Variants in TNNT3 observed in about 807,000 individuals in gnomAD.
The protein encoded by TNNT3 is troponin T3, fast skeletal type.
Under a neutral mutation model 54.2 loss-of-function variants are expected in TNNT3, and 36 were observed. The ratio of observed to expected loss-of-function variants is 0.66; its 90% CI spans 0.51 to 0.88. TNNT3 has a LOEUF of 0.88. Among genes scored for constraint, TNNT3 ranks in the 40% least tolerant of loss-of-function variants. The pLI is 0.00. For synonymous variants in TNNT3, 120 were observed against 109.7 expected (o/e 1.09, Z -0.59); for missense variants, 291 against 331.6 (o/e 0.88, Z 0.95).
chr11:1,933,580 C>G (rs1854056457), intron 9 of TNNT3, 141 bp from the exon 10 acceptor site: 2 of 720,900 alleles, frequency 2.8e-6, no homozygotes, highest in Non-Finnish European at 5.0e-6. Flanking sequence ...CATTCCTTGC[C>G]ACTTGCCATT....
chr11:1,937,500 C>T (rs1010952190), intron 15 of TNNT3, among the ~76,000 whole-genome samples: 9 of 152,160 alleles, frequency 5.9e-5, no homozygotes, highest in African/African-American at 1.4e-4. Context: ...TCCATAAAAT[C>T]GTGTCCCTGG....
In TNNT3 at chr11:1,934,834, A is replaced by G; in HGVS notation, c.596A>G (p.Lys199Arg). 1 of 1,613,450 alleles carries G rather than the reference A, an allele frequency of 6.2e-7. No individual in the cohort carries two copies. Among genetic ancestry groups the G allele is most frequent in the Non-Finnish European group, 8.5e-7 (1 of 1,179,994 alleles). ...DHLGEDKLRD[K>R]AKELWETLHQ... ...CACCACTTCCTCTGCCCCAGGGACA[A>G]GGCCAAGGAGCTCTGGGAGACCCTG... Residue 199 changes from lysine (K) to arginine (R), a missense_variant, in exon 14 of 16, where the codon AAG becomes AGG. Lys to Arg is a conservative substitution (Grantham distance 26). Transcript: ENST00000278317.
chr11:1,927,446 C>T (rs973216815), intron 6 of TNNT3, among the ~76,000 whole-genome samples: 11 of 152,134 alleles, frequency 7.2e-5, no homozygotes, highest in Admixed American at 2.0e-4. Context: ...GTTCATGGGC[C>T]GTGGGGCTGA....
At chr11:1,932,384 A>G in intron 8 of TNNT3, 85 bp from the exon 9 acceptor site, 4 of 1,355,752 alleles carry the variant, frequency 3.0e-6, no homozygotes, top group Non-Finnish European at 4.2e-6. Context: ...CAGGGTTGGC[A>G]GGGGCCAGCG....
At chr11:1,930,111 G>C (rs745945471) in intron 8 of TNNT3, among the ~76,000 whole-genome samples, 2 of 152,188 alleles carry the variant, frequency 1.3e-5, no homozygotes, top group Non-Finnish European at 2.9e-5. Flanking sequence ...GGCCCAGCAG[G>C]GTGTGATTTT....
At chr11:1,926,260 T>C (rs1344037715) in intron 5 of TNNT3, among the ~76,000 whole-genome samples, 1 of 152,160 alleles carries the variant, frequency 6.6e-6, no homozygotes, top group Non-Finnish European at 1.5e-5. Flanking sequence ...CCTGGGGTGC[T>C]CCCAGATGCT....
In TNNT3 at chr11:1,933,791, C is replaced by G; in HGVS notation, c.242C>G (p.Ala81Gly). Reference sequence around the variant, plus strand: ...GCCCTCATCGACAGCCACTTTGAAGCCCGGAAGAAGGAGGAGGAGGAGCTG... The same window carrying G: ...GCCCTCATCGACAGCCACTTTGAAGGCCGGAAGAAGGAGGAGGAGGAGCTG... ...LQALIDSHFE[A>G]RKKEEEELVA... The change falls in exon 10 of 16, where the codon GCC becomes GGC. Residue 81 changes from alanine (A) to glycine (G), a missense_variant. Physicochemically the swap from Ala to Gly is moderately conservative, Grantham distance 60. Coordinates refer to ENST00000278317, the MANE Select transcript of TNNT3 (RefSeq NM_006757.4). The G allele has an allele frequency of 6.2e-7, 1 of 1,612,890 alleles. No individual in the cohort carries two copies. Among genetic ancestry groups the G allele is most frequent in the Non-Finnish European group, 8.5e-7 (1 of 1,179,896 alleles).
At chr11:1,926,886 T>C in intron 6 of TNNT3, among the ~76,000 whole-genome samples, 177 bp downstream of exon 6, 1 of 152,150 alleles carries the variant, frequency 6.6e-6, no homozygotes, top group East Asian at 1.9e-4. Flanking sequence ...GCCGGTACAG[T>C]GCAGGCTTCC....
chr11:1,923,809 CCT>C (rs1011164381), intron 4 of TNNT3, among the ~76,000 whole-genome samples: 3 of 152,012 alleles, frequency 2.0e-5, no homozygotes, highest in African/African-American at 7.3e-5. Context: ...ATCACTAACC[CCT>C]GTCTCTTTAA....
rs559766715 is a variant in TNNT3, at chr11:1,938,522, A to T, written c.*30A>T. ...GCCAGAAAGGCCCCTCGAGGCAGAG[A>T]CCCTCCGCCCTCTTGCACACCAGGG... On this transcript the variant is annotated 3_prime_UTR_variant, in exon 16 of 16. Coordinates refer to ENST00000278317, the MANE Select transcript of TNNT3 (RefSeq NM_006757.4). 1.2e-6 allele frequency: 2 copies of T among 1,610,106 alleles called. No individual in the cohort carries two copies. Among genetic ancestry groups the T allele is most frequent in the South Asian group, 2.2e-5 (2 of 90,966 alleles).
At position 1,930,580 on chromosome 11, in the gene TNNT3, G is replaced by A. The variant is rs900086356; in HGVS notation, c.125+752G>A. Among the ~76,000 whole-genome samples, 17 of 152,244 alleles carry A rather than the reference G, an allele frequency of 1.1e-4. 1 individual carries two copies. The highest frequency in any genetic ancestry group is 6.2e-4 in the South Asian group (3 of 4,826). ...TCGGTATTCACCAGCCACAGCACTC[G>A]CTACGTGATTCACCCTTTTATCTCT... On this transcript the variant is annotated intron_variant, in intron 8 of 15. Transcript: ENST00000278317.
In TNNT3 at chr11:1,936,960, C is replaced by T. The variant is rs111743542; in HGVS notation, c.682-3C>T. The T allele has an allele frequency of 1.9e-6, 3 of 1,605,888 alleles. No individual in the cohort carries two copies. The African/African-American group carries it at 4.0e-5, about 21-fold the overall frequency. On this transcript the variant is annotated splice_polypyrimidine_tract_variant and splice_region_variant and intron_variant, in intron 14 of 15. Coordinates refer to ENST00000278317, the MANE Select transcript of TNNT3 (RefSeq NM_006757.4). ...CGCAGTGAGTCACTCATGTTGTTCACAGATCACCACGCTCAGGAGCCGCAT... is the reference window on the plus strand; with the variant it reads ...CGCAGTGAGTCACTCATGTTGTTCATAGATCACCACGCTCAGGAGCCGCAT...
chr11:1,929,133 G>C lies in TNNT3; in HGVS notation c.96G>C (p.Glu32Asp), dbSNP rs752665220. The C allele has an allele frequency of 6.2e-7, 1 of 1,613,154 alleles. No homozygotes were observed. Among genetic ancestry groups the C allele is most frequent in the South Asian group, 1.1e-5 (1 of 91,086 alleles). ...EEEVQEDTAE[E>D]DAEEEKPRPK... is the part of the protein sequence containing the mutation. ...GCCACCTGGAAGACACCGCAGAGGA[G>C]GACGCGGAAGGTAAGGGCCCGTCCC... The change falls in exon 7 of 16, where the codon GAG (glutamate) becomes GAC (aspartate). Residue 32 changes from glutamate to aspartate, a missense_variant. By Grantham distance (45) the Glu-to-Asp change is conservative. Coordinates refer to ENST00000278317, the MANE Select transcript of TNNT3 (RefSeq NM_006757.4).
chr11:1,929,526 G>T (rs1025561320), intron 7 of TNNT3, among the ~76,000 whole-genome samples: 3 of 152,152 alleles, frequency 2.0e-5, no homozygotes, highest in Non-Finnish European at 2.9e-5. Flanking sequence ...CTTCAAGGAC[G>T]CGGCCTGTCT....
At chr11:1,934,508 T>A (rs368239858) in intron 12 of TNNT3, 38 bp from the exon 13 acceptor site, 11 of 1,607,416 alleles carry the variant, frequency 6.8e-6, no homozygotes, top group African/African-American at 2.7e-5. Context: ...TGTGCCCTCC[T>A]GAGACCAGGC....
chr11:1,925,387 A>G (rs1468923920), intron 5 of TNNT3: 1 of 1,308,718 alleles, frequency 7.6e-7, no homozygotes. Flanking sequence ...GGTACCAGCC[A>G]GCCAAGGGGC....
chr11:1,934,097 G>C (rs1383577549), intron 11 of TNNT3, 89 bp downstream of exon 11: 1 of 1,405,114 alleles, frequency 7.1e-7, no homozygotes, highest in Non-Finnish European at 9.9e-7. Flanking sequence ...CTTCTCCCGG[G>C]GTTCCCATTG....
Position 1,936,884 on chromosome 11 carries a change from C to T in TNNT3, c.682-79C>T, listed in dbSNP as rs111405633. The T allele has an allele frequency of 2.3e-5, 33 of 1,443,044 alleles. 1 individual carries two copies. Among genetic ancestry groups the T allele is most frequent in the African/African-American group, 9.8e-5 (7 of 71,542 alleles). The allele number at this position is 1,443,044 out of a possible 1,614,324, so 89.4% of individuals were successfully genotyped here. ...GGGTCGCGCAGCCCAGCCCACCCTGCGGTGGAGACAGGCCTTCACCCAGTA... is the reference window on the plus strand; with the variant it reads ...GGGTCGCGCAGCCCAGCCCACCCTGTGGTGGAGACAGGCCTTCACCCAGTA... On this transcript the variant is annotated intron_variant, in intron 14 of 15. Transcript: ENST00000278317.
chr11:1,936,146 C>T (rs2133508939), intron 14 of TNNT3: 2 of 1,589,048 alleles, frequency 1.3e-6, no homozygotes, highest in Non-Finnish European at 1.7e-6. Context: ...CCAGGCCAAG[C>T]TAGCCCACAG....
Sources: allele counts gnomAD v4.1 joint callset (sites outside exome capture counted in the v4.1 genomes callset), GRCh38; gene constraint gnomAD v4.1.1; transcripts MANE v1.5; gene names NCBI Gene and HGNC (gene_info 2026-07-23, HGNC 2026-07-21).